The following PPME1 variants were observed in gnomAD, a reference collection of about 807,000 sequenced individuals.
PPME1 encodes protein phosphatase methylesterase 1.
In PPME1, 17 loss-of-function variants were observed where a neutral mutation model predicts 56.9. The observed-to-expected ratio is 0.30, with a 90% CI of 0.20 to 0.45. The LOEUF (loss-of-function observed/expected upper bound fraction) is 0.45, where lower values mean the gene tolerates loss of function less well. Ranked by LOEUF, PPME1 falls within the 20% of genes least tolerant of loss-of-function variation. The pLI is 1.00. For synonymous variants in PPME1, 122 were observed against 156.2 expected, an observed-to-expected ratio of 0.78 and a Z score of 1.63; for missense variants, 357 against 483.2, an observed-to-expected ratio of 0.74 and a Z score of 2.45.
chr11:74,230,978 C>G lies in PPME1; in HGVS notation c.620C>G (p.Ser207Cys). The G allele has an allele frequency of 1.2e-6, 2 of 1,601,244 alleles. No homozygotes were observed. The highest frequency in any genetic ancestry group is 2.7e-5 in the African/African-American group (2 of 74,886). Reference protein sequence around the residue: ...FLRGRPKTFKSLENAIEWSVK... With the variant: ...FLRGRPKTFKCLENAIEWSVK... ...CGGGGTCGTCCTAAAACCTTCAAGT[C>G]TCTGGAGAATGCTATTGAATGGAGG... Residue 207 changes from serine to cysteine, a missense_variant, in exon 7 of 14, where the codon TCT (serine) becomes TGT (cysteine). By Grantham distance (112) the Ser-to-Cys change is moderately radical. This residue lies in a region of PPME1 where 182 missense variants were observed against 293.8 expected (regional missense o/e 0.62). Transcript: ENST00000328257. This position sits in a 1 kb window ranked among gnomAD's most constrained non-coding sequence, Gnocchi z 4.9.
chr11:74,212,208 G>A (rs1188087515), intron 3 of PPME1, among the ~76,000 whole-genome samples: 1 of 152,204 alleles, frequency 6.6e-6, no homozygotes, highest in East Asian at 1.9e-4. Flanking sequence ...GGAGAGCACA[G>A]TGATTGTGTG....
In PPME1 at chr11:74,180,773, A is replaced by G. The variant is rs113560714; in HGVS notation, c.101+9251A>G. On this transcript the variant is annotated intron_variant, in intron 1 of 13. Transcript: ENST00000328257. ...ATAAGACAGCAAATGTCAATTAGCA[A>G]TTATTTTCACACTAGCCTTATTTTA... Among the ~76,000 whole-genome samples the G allele has an allele frequency of 7.9e-5, 12 of 152,314 alleles. No individual in the cohort carries two copies. In the East Asian group the frequency reaches 1.2e-3, roughly 15 times the overall value.
intron 3 of PPME1, among the ~76,000 whole-genome samples, chr11:74,214,398 A>G (rs1345730249): frequency 6.6e-6 from 1 of 152,212 alleles, no homozygotes; most frequent in Non-Finnish European, 1.5e-5. Context: ...AGATTGGCAT[A>G]GAAAATTTAT....
chr11:74,251,050 C>A, intron 12 of PPME1, 32 bp downstream of exon 12: 1 of 1,568,994 alleles, frequency 6.4e-7, no homozygotes, highest in Non-Finnish European at 8.6e-7. Flanking sequence ...TGTAAAAGGA[C>A]AACTGTGAGA....
At chr11:74,246,683 CATCT>C (rs1859512937) in intron 10 of PPME1, among the ~76,000 whole-genome samples, 1 of 152,154 alleles carries the variant, frequency 6.6e-6, no homozygotes, top group Non-Finnish European at 1.5e-5. Context: ...CTTCCTCATT[CATCT>C]ATGCCTTTTC....
intron 1 of PPME1, among the ~76,000 whole-genome samples, chr11:74,182,978 T>C (rs1226065696): frequency 7.0e-6 from 1 of 142,592 alleles, no homozygotes; most frequent in African/African-American, 2.6e-5. Context: ...GCAACATAGC[T>C]AGACCTTGTC....
intron 5 of PPME1, among the ~76,000 whole-genome samples, chr11:74,225,607 A>G (rs1360073850): frequency 1.3e-5 from 2 of 152,232 alleles, no homozygotes; most frequent in Admixed American, 6.5e-5. Flanking sequence ...GTTGTATGCA[A>G]GAGGCCTTGA....
At chr11:74,175,238 C>T (rs1257116402) in intron 1 of PPME1, among the ~76,000 whole-genome samples, 1 of 152,190 alleles carries the variant, frequency 6.6e-6, no homozygotes, top group African/African-American at 2.4e-5. Flanking sequence ...TGTGGTGGCT[C>T]ATGCCTGTAA....
At chr11:74,229,758 G>A (rs1859020882) in intron 5 of PPME1, among the ~76,000 whole-genome samples, 1 of 152,142 alleles carries the variant, frequency 6.6e-6, no homozygotes, top group African/African-American at 2.4e-5. Flanking sequence ...CAGTTTCTGA[G>A]AGATTAAGTA....
At chr11:74,174,735 G>A (rs547498843) in intron 1 of PPME1, among the ~76,000 whole-genome samples, 2 of 152,310 alleles carry the variant, frequency 1.3e-5, no homozygotes, top group South Asian at 4.1e-4. Flanking sequence ...TTTAAAGTAA[G>A]TACTGTGTGC....
chr11:74,246,952 T>C (rs1163286548), intron 10 of PPME1, 127 bp from the exon 11 acceptor site: 12 of 785,452 alleles, frequency 1.5e-5, no homozygotes, highest in Non-Finnish European at 2.3e-5. Context: ...GGTGAGAGTA[T>C]GCTCTGGGAG....
intron 1 of PPME1, among the ~76,000 whole-genome samples, chr11:74,185,085 C>T (rs897415867): frequency 4.7e-5 from 7 of 149,434 alleles, no homozygotes; most frequent in African/African-American, 1.5e-4. Context: ...CTGCAACCTC[C>T]ACCTCCCGGC....
At chr11:74,226,535 C>T (rs1418184994) in intron 5 of PPME1, among the ~76,000 whole-genome samples, 4 of 152,194 alleles carry the variant, frequency 2.6e-5, no homozygotes, top group Admixed American at 6.5e-5. Flanking sequence ...CTCAAACAGT[C>T]AAGGCTGTTA....
chr11:74,195,532 C>T (rs1043088676), intron 1 of PPME1, among the ~76,000 whole-genome samples: 11 of 152,102 alleles, frequency 7.2e-5, no homozygotes, highest in African/African-American at 2.2e-4. Flanking sequence ...TAGCTTGCTT[C>T]TTATTCTTTG....
chr11:74,183,774 G>A (rs1857601601), intron 1 of PPME1, among the ~76,000 whole-genome samples: 1 of 152,062 alleles, frequency 6.6e-6, no homozygotes, highest in African/African-American at 2.4e-5. Context: ...ACAAGATTGT[G>A]ATCTGCTTGT....
chr11:74,182,227 C>T lies in PPME1; in HGVS notation c.101+10705C>T, dbSNP rs187224737. Among the ~76,000 whole-genome samples the T allele has an allele frequency of 5.3e-5, 8 of 152,034 alleles. No individual in the cohort carries two copies. The East Asian group carries it at 1.4e-3, about 26-fold the overall frequency. Reference sequence around the variant, plus strand: ...TTTAAATGTAGATAATAATGCTAGCCTCATAGAATTTTTGAGGAGAAAATG... The same window carrying T: ...TTTAAATGTAGATAATAATGCTAGCTTCATAGAATTTTTGAGGAGAAAATG... On this transcript the variant is annotated intron_variant, in intron 1 of 13. Transcript: ENST00000328257.
rs577010386 is a variant in PPME1 at position 74,182,365 on chromosome 11, C to CT, written c.101+10854dup. 6.3e-3 allele frequency among the ~76,000 whole-genome samples: 916 copies of CT among 145,710 alleles called. 7 individuals carry two copies. The highest frequency in any genetic ancestry group is 0.012 in the South Asian group (54 of 4,580). ...TTTTTTACATTTAAATTGATAATGT[C>CT]TTTTTTTTTTTGAGACAGAGTTCTC... On this transcript the variant is annotated intron_variant, in intron 1 of 13. Coordinates refer to ENST00000328257, the MANE Select transcript of PPME1 (RefSeq NM_016147.3).
Position 74,222,325 on chromosome 11 carries a change from G to A in PPME1, c.302G>A (p.Ser101Asn), listed in dbSNP as rs372623470. ...TTTTTCTCCTAGGCAGCGATTATTA[G>A]TAGAGTTCAGTGTAGGATTGTAGCT... ...SWAVFTAAII[S>N]RVQCRIVALD... The change falls in exon 4 of 14, where the codon AGT becomes AAT. Residue 101 changes from serine (S) to asparagine (N), a missense_variant. Physicochemically the swap from Ser to Asn is conservative, Grantham distance 46. Coordinates refer to ENST00000328257, the MANE Select transcript of PPME1 (RefSeq NM_016147.3). 16 of 1,611,408 alleles carry A rather than the reference G, an allele frequency of 9.9e-6. No individual in the cohort carries two copies. The highest frequency in any genetic ancestry group is 1.4e-5 in the Non-Finnish European group (16 of 1,177,810).
chr11:74,189,530 C>A (rs79231211), intron 1 of PPME1, among the ~76,000 whole-genome samples: 5,595 of 152,286 alleles, frequency 0.037, 215 homozygotes, highest in African/African-American at 0.098. Context: ...CTTAAGCAAT[C>A]CACCCACCTC....
Sources: allele counts gnomAD v4.1 joint callset (sites outside exome capture counted in the v4.1 genomes callset), GRCh38; gene constraint gnomAD v4.1.1; regional missense constraint gnomAD v4.1.1; non-coding constraint Gnocchi (gnomAD v3.1); transcripts MANE v1.5; gene names NCBI Gene and HGNC (gene_info 2026-07-23, HGNC 2026-07-21).